Variants in DLGAP4 observed in about 807,000 individuals in gnomAD.
The protein encoded by DLGAP4 is DLG associated protein 4, also known as disks large-associated protein 4.
Under a neutral mutation model 86.9 loss-of-function variants are expected in DLGAP4, and 18 were observed. That is an observed-to-expected ratio of 0.21 (90% confidence interval 0.14 to 0.31). The LOEUF (loss-of-function observed/expected upper bound fraction) is 0.31. Among genes scored for constraint, DLGAP4 ranks in the 10% least tolerant of loss-of-function variants. DLGAP4 has a pLI of 1.00. For synonymous variants in DLGAP4, 548 were observed against 574.3 expected (o/e 0.95, Z 0.65); for missense variants, 1,085 against 1,362.6 (o/e 0.80, Z 3.21).
intron 2 of DLGAP4, among the ~76,000 whole-genome samples, chr20:36,423,265 C>G (rs1267953889): frequency 6.6e-6 from 1 of 151,524 alleles, no homozygotes; most frequent in East Asian, 2.0e-4. Context: ...AGTTCGAGAC[C>G]TGGCCAATGG....
At chr20:36,461,471 C>G in intron 7 of DLGAP4, 2 of 981,498 alleles carry the variant, frequency 2.0e-6, no homozygotes, top group Non-Finnish European at 1.2e-6. Flanking sequence ...CTCGGGCGTA[C>G]AAAACCGGAG....
At chr20:36,359,802 T>C (rs2030456047) in intron 1 of DLGAP4, among the ~76,000 whole-genome samples, 1 of 152,286 alleles carries the variant, frequency 6.6e-6, no homozygotes, top group Middle Eastern at 3.4e-3. Flanking sequence ...CCCTTGCAGC[T>C]TGGAGCCACT....
intron 10 of DLGAP4, among the ~76,000 whole-genome samples, chr20:36,518,489 T>C (rs1286487032): frequency 6.6e-6 from 1 of 152,176 alleles, no homozygotes; most frequent in African/African-American, 2.4e-5. Flanking sequence ...TTTTTCAGCC[T>C]GTCCTTTTAT....
At chr20:36,333,525 A>G (rs529414650) in intron 1 of DLGAP4, among the ~76,000 whole-genome samples, 5 of 152,146 alleles carry the variant, frequency 3.3e-5, no homozygotes, top group Non-Finnish European at 5.9e-5. Flanking sequence ...TGGCTGTGCT[A>G]TGCTTCCTCC....
chr20:36,394,291 G>T (rs2031875367), intron 2 of DLGAP4, among the ~76,000 whole-genome samples: 1 of 152,182 alleles, frequency 6.6e-6, no homozygotes, highest in South Asian at 2.1e-4. Context: ...TGACACCCTG[G>T]CTGGGGCCTA....
chr20:36,347,804 G>A (rs2029995491), intron 1 of DLGAP4, among the ~76,000 whole-genome samples: 1 of 149,948 alleles, frequency 6.7e-6, no homozygotes. Flanking sequence ...CTAGATGACA[G>A]AACAAGACAC....
chr20:36,417,809 G>A (rs2032704388), intron 2 of DLGAP4, among the ~76,000 whole-genome samples: 1 of 151,710 alleles, frequency 6.6e-6, no homozygotes, highest in Non-Finnish European at 1.5e-5. Flanking sequence ...TTTGAGATGG[G>A]GTTTTGCTGT....
At chr20:36,320,540 C>T (rs1600395658) in intron 1 of DLGAP4, among the ~76,000 whole-genome samples, 2 of 152,140 alleles carry the variant, frequency 1.3e-5, no homozygotes, top group Admixed American at 6.5e-5. Context: ...CGTCATGCCC[C>T]CCACTCCCTT....
intron 7 of DLGAP4, chr20:36,462,186 G>T: frequency 9.4e-7 from 1 of 1,063,816 alleles, no homozygotes; most frequent in African/African-American, 1.7e-5. Context: ...CCCAAGTTGG[G>T]GTCTTTCTCC....
At chr20:36,313,558 T>A (rs1296386041) in intron 1 of DLGAP4, among the ~76,000 whole-genome samples, 7 of 137,410 alleles carry the variant, frequency 5.1e-5, no homozygotes, top group Non-Finnish European at 7.9e-5. Context: ...TGGGGGGGGG[T>A]CACCTGCAAT....
At chr20:36,330,349 A>C (rs996531368) in intron 1 of DLGAP4, among the ~76,000 whole-genome samples, 1 of 152,076 alleles carries the variant, frequency 6.6e-6, no homozygotes, top group Non-Finnish European at 1.5e-5. Context: ...CTGCCCCTCT[A>C]TGCCCCAGGC....
intron 7 of DLGAP4, chr20:36,465,473 C>G (rs1394484264): frequency 6.6e-6 from 1 of 152,492 alleles, no homozygotes; most frequent in Non-Finnish European, 1.5e-5. Context: ...CTCCACAGCC[C>G]GCAGCGTTTC....
chr20:36,381,091 A>G (rs1421003543), intron 2 of DLGAP4, among the ~76,000 whole-genome samples: 1 of 152,260 alleles, frequency 6.6e-6, no homozygotes, highest in Non-Finnish European at 1.5e-5. Context: ...GAGATATTTA[A>G]TGTACATAAA....
intron 2 of DLGAP4, among the ~76,000 whole-genome samples, chr20:36,375,998 GTC>G (rs1239738821): frequency 6.6e-6 from 1 of 152,010 alleles, no homozygotes; most frequent in Non-Finnish European, 1.5e-5. Context: ...GCAACACCCT[GTC>G]TCTCTCTCCA....
At chr20:36,471,573 A>G (rs2147665397) in intron 7 of DLGAP4, among the ~76,000 whole-genome samples, 1 of 152,286 alleles carries the variant, frequency 6.6e-6, no homozygotes, top group African/African-American at 2.4e-5. Flanking sequence ...CTTGCCCTTC[A>G]CTGAACCTCA....
chr20:36,330,132 C>A (rs1169497870), intron 1 of DLGAP4, among the ~76,000 whole-genome samples: 1 of 151,904 alleles, frequency 6.6e-6, no homozygotes, highest in African/African-American at 2.4e-5. Context: ...TTCCAGTTTT[C>A]TACAGTGAAC....
At chr20:36,515,320 A>T (rs1262682418) in intron 10 of DLGAP4, among the ~76,000 whole-genome samples, 1 of 152,228 alleles carries the variant, frequency 6.6e-6, no homozygotes, top group African/African-American at 2.4e-5. Flanking sequence ...CCTAAGAGTT[A>T]TATGTATTAT....
intron 3 of DLGAP4, among the ~76,000 whole-genome samples, chr20:36,434,768 T>TG (rs2033224414): frequency 6.6e-6 from 1 of 151,964 alleles, no homozygotes; most frequent in Admixed American, 6.6e-5. Flanking sequence ...CTTCCCTTTG[T>TG]GGAAAGTGGG....
rs527819087 is a variant in DLGAP4 at position 36,349,268 on chromosome 20, A to G, written c.-303-17777A>G. 2.7e-5 allele frequency among the ~76,000 whole-genome samples: 4 copies of G among 150,830 alleles called. No individual in the cohort carries two copies. The East Asian group carries it at 6.0e-4, about 22-fold the overall frequency. On this transcript the variant is annotated intron_variant, in intron 1 of 12. Transcript: ENST00000339266. ...CCTGTCTCTACTAAAAATAGAAAAA[A>G]ATAGCCAGGCGTGGTGGCAGGCGCC... is the stretch of plus-strand genomic sequence containing the variant.
Sources: allele counts gnomAD v4.1 joint callset (sites outside exome capture counted in the v4.1 genomes callset), GRCh38; gene constraint gnomAD v4.1.1; transcripts MANE v1.5; gene names NCBI Gene and HGNC (gene_info 2026-07-23, HGNC 2026-07-21).